The following CACNG2 variants were observed in gnomAD, a reference collection of about 807,000 sequenced individuals.
CACNG2 encodes the protein calcium voltage-gated channel auxiliary subunit gamma 2.
A neutral mutation model predicts 25.9 loss-of-function variants in CACNG2; 3 were observed. The ratio of observed to expected loss-of-function variants is 0.12; its 90% CI spans 0.05 to 0.30. The LOEUF is 0.30. Ranked by LOEUF, CACNG2 falls within the 10% of genes least tolerant of loss-of-function variation. CACNG2 has a pLI of 1.00. For synonymous variants in CACNG2, 167 were observed against 173.3 expected (o/e 0.96, Z 0.29); for missense variants, 341 against 432.5 (o/e 0.79, Z 1.88).
At chr22:36,694,579 A>T (rs1178238981) in intron 1 of CACNG2, among the ~76,000 whole-genome samples, 1 of 152,222 alleles carries the variant, frequency 6.6e-6, no homozygotes, top group African/African-American at 2.4e-5. Context: ...TATGCCAAGA[A>T]TCTCTCTGAA....
chr22:36,676,135 G>C (rs1286126196), intron 1 of CACNG2, among the ~76,000 whole-genome samples: 3 of 152,300 alleles, frequency 2.0e-5, no homozygotes, highest in African/African-American at 2.4e-5. Flanking sequence ...TCTCTTAGGA[G>C]GGCCAGCCTC....
intron 1 of CACNG2, among the ~76,000 whole-genome samples, chr22:36,679,584 G>A (rs944964319): frequency 6.6e-6 from 1 of 152,134 alleles, no homozygotes; most frequent in African/African-American, 2.4e-5. Flanking sequence ...TCAACGTTGG[G>A]GACTGATTTG....
intron 1 of CACNG2, among the ~76,000 whole-genome samples, chr22:36,680,230 A>G (rs1420015846): frequency 1.3e-5 from 2 of 151,412 alleles, no homozygotes; most frequent in Non-Finnish European, 2.9e-5. Context: ...TACCACCACC[A>G]TCATCACCAC....
At chr22:36,640,627 C>A (rs187810911) in intron 1 of CACNG2, among the ~76,000 whole-genome samples, 1 of 152,310 alleles carries the variant, frequency 6.6e-6, no homozygotes, top group Non-Finnish European at 1.5e-5. Context: ...GAAGGTAGGG[C>A]CCGAGCCTTC....
At chr22:36,580,518 G>A (rs1342636719) in intron 2 of CACNG2, among the ~76,000 whole-genome samples, 3 of 152,186 alleles carry the variant, frequency 2.0e-5, no homozygotes, top group Admixed American at 6.5e-5. Context: ...GCTATGGAGT[G>A]TGGCCTGGTG....
At position 36,564,336 on chromosome 22, in the gene CACNG2, C is replaced by G. The variant is rs746289931; in HGVS notation, c.*15G>C. 6.2e-7 allele frequency: 1 copy of G among 1,606,378 alleles called. No individual in the cohort carries two copies. The highest frequency in any genetic ancestry group is 1.3e-5 in the African/African-American group (1 of 74,900). ...GCGCCCTCCTCCCGCGGTCTTCTGGCGAGGCCCGCGGTCTTTATACGGGGG... is the reference window on the plus strand; with the variant it reads ...GCGCCCTCCTCCCGCGGTCTTCTGGGGAGGCCCGCGGTCTTTATACGGGGG... On this transcript the variant is annotated 3_prime_UTR_variant, in exon 4 of 4. Coordinates refer to ENST00000300105, the MANE Select transcript of CACNG2 (RefSeq NM_006078.5). The surrounding 1 kb of genome is among the most constrained non-coding windows in gnomAD (Gnocchi z 6.7).
intron 2 of CACNG2, among the ~76,000 whole-genome samples, chr22:36,572,972 T>C (rs1029992700): frequency 3.3e-5 from 5 of 152,184 alleles, no homozygotes; most frequent in African/African-American, 1.2e-4. Flanking sequence ...TTTCTAGAGC[T>C]TATACTCTCA....
intron 1 of CACNG2, 61 bp downstream of exon 1, chr22:36,702,303 GGA>G: frequency 6.0e-6 from 6 of 1,003,264 alleles, no homozygotes; most frequent in Non-Finnish European, 9.2e-6. Flanking sequence ...AGGAGGGTGG[GGA>G]GGGGGGAGTG....
At chr22:36,660,502 C>T (rs1471679227) in intron 1 of CACNG2, among the ~76,000 whole-genome samples, 4 of 152,280 alleles carry the variant, frequency 2.6e-5, no homozygotes, top group South Asian at 2.1e-4. Context: ...GGCAACTCCA[C>T]GCTGCTCCTG....
intron 1 of CACNG2, among the ~76,000 whole-genome samples, chr22:36,651,083 T>C (rs1936605336): frequency 6.6e-6 from 1 of 152,186 alleles, no homozygotes; most frequent in Non-Finnish European, 1.5e-5. Flanking sequence ...CCTTAGCTCT[T>C]GTCTCTACGT....
chr22:36,575,444 G>GAGGCC (rs1331981967), intron 2 of CACNG2, among the ~76,000 whole-genome samples: 1 of 152,102 alleles, frequency 6.6e-6, no homozygotes, highest in Non-Finnish European at 1.5e-5. Flanking sequence ...GGCATAGCCA[G>GAGGCC]AGGCCAGGCC....
intron 2 of CACNG2, among the ~76,000 whole-genome samples, chr22:36,583,303 G>A (rs573758306): frequency 6.6e-6 from 1 of 151,862 alleles, no homozygotes; most frequent in South Asian, 2.1e-4. Context: ...TGTGGTGGCG[G>A]GTGCCTGTAA....
intron 1 of CACNG2, among the ~76,000 whole-genome samples, chr22:36,643,521 T>C (rs79193092): frequency 5.6e-5 from 8 of 143,936 alleles, no homozygotes; most frequent in Non-Finnish European, 1.2e-4. Flanking sequence ...TCTATCTATC[T>C]ATCCATCATG....
At chr22:36,613,383 A>G (rs1010046436) in intron 1 of CACNG2, among the ~76,000 whole-genome samples, 1 of 152,146 alleles carries the variant, frequency 6.6e-6, no homozygotes, top group Non-Finnish European at 1.5e-5. Context: ...ACATGTCCCT[A>G]CAGTCAGCAT....
chr22:36,649,166 C>T (rs1057514096), intron 1 of CACNG2, among the ~76,000 whole-genome samples: 4 of 152,182 alleles, frequency 2.6e-5, no homozygotes, highest in Non-Finnish European at 5.9e-5. Context: ...TCCCAATCTC[C>T]CCCGGCCTCA....
chr22:36,564,623 G>T lies in CACNG2; in HGVS notation c.700C>A (p.Gln234Lys). Residue 234 changes from glutamine to lysine, a missense_variant, in exon 4 of 4, where the codon CAG becomes AAG. By Grantham distance (53) the Gln-to-Lys change is moderately conservative. Transcript: ENST00000300105. The surrounding 1 kb of genome is among the most constrained non-coding windows in gnomAD (Gnocchi z 6.7). ...TRIPSYRYRYQRRSRSSSRST... is the reference protein window; with the variant it reads ...TRIPSYRYRYKRRSRSSSRST... ...CGCGAGCTGGAGCGGCTGCGGCGCT[G>T]GTAGCGGTAGCGGTAGCTGGGGATG... The T allele has an allele frequency of 6.2e-7, 1 of 1,613,802 alleles. No homozygotes were observed. Among genetic ancestry groups the T allele is most frequent in the Non-Finnish European group, 8.5e-7 (1 of 1,179,954 alleles).
chr22:36,641,247 C>T (rs761524900), intron 1 of CACNG2, among the ~76,000 whole-genome samples: 26 of 152,116 alleles, frequency 1.7e-4, no homozygotes, highest in Non-Finnish European at 3.2e-4. Flanking sequence ...CCTATTAGTC[C>T]GCAGAGCCCA....
At chr22:36,594,838 G>A (rs1374095802) in intron 1 of CACNG2, among the ~76,000 whole-genome samples, 4 of 151,116 alleles carry the variant, frequency 2.6e-5, no homozygotes, top group Non-Finnish European at 5.9e-5. Flanking sequence ...ATCGGTGTGT[G>A]TGTGTGCATG....
At chr22:36,671,591 T>C (rs576333555) in intron 1 of CACNG2, among the ~76,000 whole-genome samples, 42 of 152,214 alleles carry the variant, frequency 2.8e-4, no homozygotes, top group Non-Finnish European at 5.6e-4. Context: ...CTCATTCTTT[T>C]GCAAAGCACT....
Sources: allele counts gnomAD v4.1 joint callset (sites outside exome capture counted in the v4.1 genomes callset), GRCh38; gene constraint gnomAD v4.1.1; non-coding constraint Gnocchi (gnomAD v3.1); transcripts MANE v1.5; gene names NCBI Gene and HGNC (gene_info 2026-07-23, HGNC 2026-07-21).